ENPP1: variants seen among roughly 807,000 people sequenced by gnomAD.
ENPP1 encodes the protein ectonucleotide pyrophosphatase/phosphodiesterase 1, also known as ectonucleotide pyrophosphatase/phosphodiesterase family member 1.
A neutral mutation model predicts 122.8 loss-of-function variants in ENPP1; 73 were observed. That is an observed-to-expected ratio of 0.59 (90% CI 0.49 to 0.72). The LOEUF (loss-of-function observed/expected upper bound fraction) is 0.72. ENPP1 is among the 30% of genes least tolerant of loss of function. The probability of loss-of-function intolerance (pLI) is 0.00; values close to 1 mark genes in which losing one functional copy is unlikely to be tolerated. For synonymous variants in ENPP1, 367 were observed against 391.6 expected, an observed-to-expected ratio of 0.94 and a Z score of 0.74; for missense variants, 978 against 1,128.1, an observed-to-expected ratio of 0.87 and a Z score of 1.91.
At chr6:131,876,354 T>C (rs1466724152) in intron 17 of ENPP1, among the ~76,000 whole-genome samples, 1 of 152,218 alleles carries the variant, frequency 6.6e-6, no homozygotes, top group African/African-American at 2.4e-5. Flanking sequence ...GTTGAAGCAT[T>C]GTGTGTTTTA....
At chr6:131,867,921 TTC>T (rs981166193) in intron 11 of ENPP1, 95 bp from the exon 12 acceptor site, 2 of 868,208 alleles carry the variant, frequency 2.3e-6, no homozygotes, top group Non-Finnish European at 3.8e-6. Flanking sequence ...CTTTCTTTGT[TTC>T]TTTCTTTTTT....
In ENPP1 at chr6:131,860,495, A is replaced by G. The variant is rs768989515; in HGVS notation, c.904A>G (p.Lys302Glu). 2.6e-5 allele frequency: 42 copies of G among 1,595,124 alleles called. No individual in the cohort carries two copies. Among genetic ancestry groups the G allele is most frequent in the Non-Finnish European group, 3.0e-5 (35 of 1,164,062 alleles). The change falls in exon 8 of 25, where the codon AAA becomes GAA. Residue 302 changes from lysine to glutamate, a missense_variant. By Grantham distance (56) the Lys-to-Glu change is moderately conservative. Transcript: ENST00000647893. ...AGAGAAATTTAATCCTGAGTGGTAC[A>G]AAGGAGAACCAGTGAGTTCTTTGTT... ...SKEKFNPEWY[K>E]GEPIWVTAKY...
intron 2 of ENPP1, 88 bp downstream of exon 2, chr6:131,847,936 C>G: frequency 2.0e-6 from 2 of 1,003,920 alleles, no homozygotes; most frequent in Non-Finnish European, 3.1e-6. Flanking sequence ...TTGAGGTAAA[C>G]ATTATCTCCT....
intron 1 of ENPP1, among the ~76,000 whole-genome samples, chr6:131,813,728 A>G (rs1164466789): frequency 1.3e-5 from 2 of 152,192 alleles, no homozygotes; most frequent in East Asian, 3.9e-4. Context: ...CCTCAACTCC[A>G]AAAGGGAGGG....
At chr6:131,868,446 T>G (rs972459750) in intron 12 of ENPP1, among the ~76,000 whole-genome samples, 1 of 152,162 alleles carries the variant, frequency 6.6e-6, no homozygotes, top group African/African-American at 2.4e-5. Flanking sequence ...TTTCCTTTTT[T>G]TGTTGTTGTT....
intron 19 of ENPP1, 128 bp from the exon 20 acceptor site, chr6:131,879,752 G>A: frequency 1.2e-6 from 1 of 842,146 alleles, no homozygotes; most frequent in Non-Finnish European, 1.9e-6. Flanking sequence ...TTTGTAATCA[G>A]TTTTTTTAAT....
chr6:131,816,113 C>T (rs1447782791), intron 1 of ENPP1, among the ~76,000 whole-genome samples: 1 of 152,130 alleles, frequency 6.6e-6, no homozygotes, highest in Non-Finnish European at 1.5e-5. Flanking sequence ...CAATTTTGCT[C>T]TCAAGTTTGA....
chr6:131,831,153 C>CAAAAAA (rs1781607376), intron 1 of ENPP1, among the ~76,000 whole-genome samples: 1 of 140,558 alleles, frequency 7.1e-6, no homozygotes, highest in Non-Finnish European at 1.5e-5. Flanking sequence ...GAAAATAGAT[C>CAAAAAA]AAAAAATTTT....
chr6:131,844,865 G>A (rs903992196), intron 1 of ENPP1, among the ~76,000 whole-genome samples: 3 of 152,106 alleles, frequency 2.0e-5, no homozygotes, highest in Non-Finnish European at 4.4e-5. Flanking sequence ...CAAAGCTTAT[G>A]TGAAAACATT....
intron 1 of ENPP1, among the ~76,000 whole-genome samples, chr6:131,831,736 A>G (rs903242996): frequency 6.6e-6 from 1 of 152,298 alleles, no homozygotes; most frequent in South Asian, 2.1e-4. Context: ...TCTGCTATTA[A>G]TGCTATTAAT....
At chr6:131,844,977 G>A (rs564427795) in intron 1 of ENPP1, among the ~76,000 whole-genome samples, 56 of 148,166 alleles carry the variant, frequency 3.8e-4, no homozygotes, top group Admixed American at 6.8e-4. Context: ...TAGATGAGAA[G>A]AAGGTAAGTA....
intron 1 of ENPP1, among the ~76,000 whole-genome samples, chr6:131,808,638 T>C: frequency 6.6e-6 from 1 of 152,208 alleles, no homozygotes; most frequent in Non-Finnish European, 1.5e-5. Context: ...GGTGCATCAA[T>C]GTGTTGCTTC....
At chr6:131,838,677 C>T (rs1781705524) in intron 1 of ENPP1, among the ~76,000 whole-genome samples, 1 of 149,338 alleles carries the variant, frequency 6.7e-6, no homozygotes, top group Non-Finnish European at 1.5e-5. Context: ...AATAAAATAA[C>T]AATAAGCATA....
intron 1 of ENPP1, 42 bp downstream of exon 1, chr6:131,808,317 G>C (rs1395087574): frequency 6.8e-7 from 1 of 1,476,572 alleles, no homozygotes; most frequent in Non-Finnish European, 9.0e-7. Context: ...AGGGCTGGGA[G>C]TACGGGGAGG....
At chr6:131,888,137 C>T (rs979522075) in intron 24 of ENPP1, among the ~76,000 whole-genome samples, 2 of 151,958 alleles carry the variant, frequency 1.3e-5, no homozygotes, top group African/African-American at 4.8e-5. Context: ...GCGGGGGTTA[C>T]AGTCATGAGC....
At chr6:131,826,472 A>G (rs767128359) in intron 1 of ENPP1, 39 of 1,019,002 alleles carry the variant, frequency 3.8e-5, no homozygotes, top group Admixed American at 5.4e-5. Context: ...TTATTGTGCC[A>G]TAAGTTTAAG....
chr6:131,843,647 A>G (rs1438927282), intron 1 of ENPP1, among the ~76,000 whole-genome samples: 2 of 145,134 alleles, frequency 1.4e-5, no homozygotes. Flanking sequence ...TCCCTCTCCC[A>G]GGGCATGTCG....
chr6:131,849,777 A>C (rs1326768144), intron 2 of ENPP1, among the ~76,000 whole-genome samples: 1 of 152,240 alleles, frequency 6.6e-6, no homozygotes, highest in Non-Finnish European at 1.5e-5. Flanking sequence ...TCAGGAGATA[A>C]AAATCACAAA....
At chr6:131,829,478 TATTAA>T (rs1210075579) in intron 1 of ENPP1, among the ~76,000 whole-genome samples, 1 of 152,238 alleles carries the variant, frequency 6.6e-6, no homozygotes, top group Non-Finnish European at 1.5e-5. Flanking sequence ...TCTTTGCCTA[TATTAA>T]ATTTAGTTTA....
Sources: allele counts gnomAD v4.1 joint callset (sites outside exome capture counted in the v4.1 genomes callset), GRCh38; gene constraint gnomAD v4.1.1; transcripts MANE v1.5; gene names NCBI Gene and HGNC (gene_info 2026-07-23, HGNC 2026-07-21).